ABAT: variants seen among roughly 807,000 people sequenced by gnomAD.
The protein encoded by ABAT is 4-aminobutyrate aminotransferase.
A neutral mutation model predicts 64.6 loss-of-function variants in ABAT; 45 were observed. That is an observed-to-expected ratio of 0.70 (90% CI 0.55 to 0.89). The LOEUF (loss-of-function observed/expected upper bound fraction) is 0.89. Among genes scored for constraint, ABAT ranks in the 40% least tolerant of loss-of-function variants. The pLI is 0.00. For missense variants in ABAT, 633 were observed against 658.4 expected (o/e 0.96, Z 0.42); for synonymous variants, 297 against 250.5 (o/e 1.19, Z -1.75).
At chr16:8,732,512 A>G (rs1418869865) in intron 1 of ABAT, among the ~76,000 whole-genome samples, 2 of 151,500 alleles carry the variant, frequency 1.3e-5, no homozygotes, top group East Asian at 3.9e-4. Context: ...GACACAGCAC[A>G]TGTTTCAGAG....
In ABAT at chr16:8,713,750, G is replaced by T. The variant is rs1057146005; in HGVS notation, c.-41-21949G>T. 5 of 402,510 alleles carry T rather than the reference G, an allele frequency of 1.2e-5. No homozygotes were observed. In the East Asian group the frequency reaches 3.7e-4, roughly 30 times the overall value. The allele number at this position is 402,510 out of a possible 1,614,324, so 24.9% of individuals were successfully genotyped here. A position where few individuals can be genotyped will look rare whatever the true frequency, so the allele number is the denominator to read the frequency against. On this transcript the variant is annotated intron_variant, in intron 1 of 15. Transcript: ENST00000268251. ...CCTGAGGAGGGAGCTGGTGCCCAAC[G>T]GCACCTCTTAGGATGAACCCAGCCA... is the stretch of plus-strand genomic sequence containing the variant.
intron 2 of ABAT, among the ~76,000 whole-genome samples, chr16:8,743,411 T>C (rs2059224526): frequency 3.1e-5 from 2 of 65,408 alleles, no homozygotes; most frequent in Non-Finnish European, 5.3e-5. Flanking sequence ...CCCTCTTGTG[T>C]AATGGAAACA....
chr16:8,777,274 C>A (rs1011524637), intron 14 of ABAT, among the ~76,000 whole-genome samples: 5 of 151,968 alleles, frequency 3.3e-5, no homozygotes, highest in Admixed American at 6.6e-5. Context: ...TCTCTCACCC[C>A]CTCTAGTGTG....
rs1139523 is a variant in ABAT at position 8,768,235 on chromosome 16, G to A, written c.646G>A (p.Ala216Thr). Residue 216 changes from alanine to threonine, a missense_variant, in exon 10 of 16, where the codon GCG (alanine) becomes ACG (threonine). Coordinates refer to ENST00000268251, the MANE Select transcript of ABAT (RefSeq NM_020686.6). ...PDYSILSFMG[A>T]FHGRTMGCLA... ...CTACAGCATCCTCTCCTTCATGGGC[G>A]CGTTCCATGGGAGGACCATGGGTAA... 1.9e-6 allele frequency: 3 copies of A among 1,614,076 alleles called. No individual in the cohort carries two copies. Among genetic ancestry groups the A allele is most frequent in the Admixed American group, 1.7e-5 (1 of 60,014 alleles).
At chr16:8,687,583 A>G (rs1450558824) in intron 1 of ABAT, among the ~76,000 whole-genome samples, 1 of 152,234 alleles carries the variant, frequency 6.6e-6, no homozygotes, top group Admixed American at 6.5e-5. Context: ...GTTTGGACTG[A>G]GCAGTCCTTC....
chr16:8,754,971 G>A (rs564866293), intron 5 of ABAT, among the ~76,000 whole-genome samples: 93 of 151,956 alleles, frequency 6.1e-4, no homozygotes, highest in Non-Finnish European at 1.1e-3. Context: ...CACCTGCCTC[G>A]GCCTCCCAAG....
intron 1 of ABAT, among the ~76,000 whole-genome samples, chr16:8,721,147 C>G (rs2058358231): frequency 6.6e-6 from 1 of 151,994 alleles, no homozygotes; most frequent in African/African-American, 2.4e-5. Context: ...TACGGCGGGT[C>G]AGTGAGAGGC....
chr16:8,731,156 T>A (rs2058708197), intron 1 of ABAT, among the ~76,000 whole-genome samples: 1 of 152,082 alleles, frequency 6.6e-6, no homozygotes, highest in African/African-American at 2.4e-5. Context: ...AGAGACAGGG[T>A]TTTACTGTGT....
intron 1 of ABAT, chr16:8,714,016 G>T (rs920056531): frequency 4.8e-6 from 2 of 416,070 alleles, no homozygotes; most frequent in Admixed American, 2.5e-5. Context: ...TTGTGCATCT[G>T]TGTACATGCG....
intron 1 of ABAT, among the ~76,000 whole-genome samples, chr16:8,694,568 G>C (rs1567273027): frequency 6.6e-6 from 1 of 151,516 alleles, no homozygotes; most frequent in Non-Finnish European, 1.5e-5. Flanking sequence ...TGTAGAGATG[G>C]GGTCTCACTA....
At chr16:8,738,718 C>T (rs1347635976) in intron 2 of ABAT, among the ~76,000 whole-genome samples, 2 of 149,676 alleles carry the variant, frequency 1.3e-5, no homozygotes, top group East Asian at 4.0e-4. Context: ...AATCTCGACT[C>T]ACTGCAACCT....
chr16:8,765,943 C>G (rs902787965), intron 8 of ABAT: 5 of 418,980 alleles, frequency 1.2e-5, no homozygotes, highest in African/African-American at 1.0e-4. Context: ...CCTGGCAAAA[C>G]ATGCAACGCT....
chr16:8,721,178 G>C (rs977105260), intron 1 of ABAT, among the ~76,000 whole-genome samples: 8 of 152,138 alleles, frequency 5.3e-5, no homozygotes, highest in Non-Finnish European at 7.4e-5. Context: ...TAGTCTGGGG[G>C]TAAGATCATT....
intron 1 of ABAT, among the ~76,000 whole-genome samples, chr16:8,679,892 G>T (rs938788640): frequency 1.3e-5 from 2 of 152,012 alleles, no homozygotes; most frequent in Admixed American, 1.3e-4. Context: ...CTTCCTCCCT[G>T]GGGTCTAACC....
Position 8,772,897 on chromosome 16 carries a change from C to T in ABAT, c.934C>T (p.Leu312=). The change falls in exon 12 of 16, where the codon CTG becomes TTG. Residue 312 remains leucine (L), a synonymous_variant. Transcript: ENST00000268251. ...CGCATCCGATGACTTCTTTCGGAAG[C>T]TGAGAGACATCGCCAGGAAGGTCAG... is the stretch of plus-strand genomic sequence containing the variant. ...NHASDDFFRK[L]RDIARKHGCA... 1 of 1,613,968 alleles carries T rather than the reference C, an allele frequency of 6.2e-7. No individual in the cohort carries two copies. Among genetic ancestry groups the T allele is most frequent in the Non-Finnish European group, 8.5e-7 (1 of 1,180,010 alleles).
chr16:8,745,875 G>A (rs2059313415), intron 2 of ABAT, 126 bp from the exon 3 acceptor site: 2 of 825,764 alleles, frequency 2.4e-6, no homozygotes, highest in Non-Finnish European at 4.1e-6. Context: ...GTTCTGGGGT[G>A]GTCTGGCTGG....
chr16:8,682,685 A>G (rs2057363627), intron 1 of ABAT, among the ~76,000 whole-genome samples: 2 of 152,104 alleles, frequency 1.3e-5, no homozygotes, highest in Non-Finnish European at 2.9e-5. Flanking sequence ...GCTAACATCT[A>G]TTATCTTGGA....
At chr16:8,726,666 T>C (rs544782743) in intron 1 of ABAT, among the ~76,000 whole-genome samples, 13 of 152,348 alleles carry the variant, frequency 8.5e-5, no homozygotes, top group South Asian at 2.1e-4. Context: ...AGTGCAGATA[T>C]CTCTTCGATA....
chr16:8,706,236 A>AT (rs1293425782), intron 1 of ABAT, among the ~76,000 whole-genome samples: 4 of 146,834 alleles, frequency 2.7e-5, no homozygotes, highest in East Asian at 2.0e-4. Context: ...TCTATAAAAA[A>AT]AAATATATAT....
Sources: gnomAD v4.1 joint callset for allele counts (sites outside exome capture counted in the v4.1 genomes callset) on GRCh38, gnomAD v4.1.1 for gene constraint, MANE v1.5 for transcripts, NCBI Gene and HGNC (gene_info 2026-07-23, HGNC 2026-07-21) for gene names.